The following BMP6 variants were observed in gnomAD, a reference collection of about 807,000 sequenced individuals.
The protein encoded by BMP6 is bone morphogenetic protein 6.
A neutral mutation model predicts 54.1 loss-of-function variants in BMP6; 17 were observed. The observed-to-expected ratio is 0.31, with a 90% CI of 0.22 to 0.47. BMP6 has a LOEUF of 0.47. Ranked by LOEUF, BMP6 falls within the 20% of genes least tolerant of loss-of-function variation. The pLI, the probability that BMP6 is intolerant of heterozygous loss-of-function variation, is 1.00. For missense variants in BMP6, 720 were observed against 690.4 expected (o/e 1.04, Z -0.48); for synonymous variants, 328 against 291.2 (o/e 1.13, Z -1.28).
At chr6:7,804,816 T>C (rs1758324841) in intron 1 of BMP6, among the ~76,000 whole-genome samples, 1 of 152,196 alleles carries the variant, frequency 6.6e-6, no homozygotes, top group South Asian at 2.1e-4. Flanking sequence ...CTGTACTGGA[T>C]TGGTTTAAAT....
chr6:7,834,791 C>T (rs1367456567), intron 1 of BMP6, among the ~76,000 whole-genome samples: 1 of 152,102 alleles, frequency 6.6e-6, no homozygotes, highest in Admixed American at 6.5e-5. Context: ...AAATCTAGTC[C>T]AGAGATCGGG....
intron 2 of BMP6, among the ~76,000 whole-genome samples, chr6:7,850,574 A>G (rs1306030128): frequency 1.3e-5 from 2 of 152,206 alleles, no homozygotes; most frequent in Admixed American, 6.5e-5. Context: ...TATTTTACAG[A>G]CAGAATATAA....
intron 1 of BMP6, among the ~76,000 whole-genome samples, chr6:7,799,739 A>T (rs1053243278): frequency 9.9e-6 from 1 of 101,202 alleles, no homozygotes; most frequent in Non-Finnish European, 2.1e-5. Flanking sequence ...TACACTGATT[A>T]TAAAAAAAAA....
chr6:7,766,485 G>A (rs1006211535), intron 1 of BMP6, among the ~76,000 whole-genome samples: 1 of 152,142 alleles, frequency 6.6e-6, no homozygotes, highest in Non-Finnish European at 1.5e-5. Flanking sequence ...AGATGTGGTG[G>A]TGCACACCTG....
At chr6:7,737,771 C>T (rs993285940) in intron 1 of BMP6, among the ~76,000 whole-genome samples, 3 of 152,086 alleles carry the variant, frequency 2.0e-5, no homozygotes, top group Non-Finnish European at 2.9e-5. Flanking sequence ...TATACACGTC[C>T]ATGGAGTCTG....
chr6:7,808,400 G>C (rs1758383586), intron 1 of BMP6, among the ~76,000 whole-genome samples: 1 of 152,160 alleles, frequency 6.6e-6, no homozygotes, highest in African/African-American at 2.4e-5. Flanking sequence ...ACTGCTCAGA[G>C]CCTCTTGGGG....
chr6:7,793,176 G>A (rs117863767), intron 1 of BMP6, among the ~76,000 whole-genome samples: 4 of 152,120 alleles, frequency 2.6e-5, no homozygotes, highest in East Asian at 3.9e-4. Context: ...ACATCCAGAC[G>A]ATGGGCTATT....
chr6:7,756,400 C>T (rs1270975495), intron 1 of BMP6, among the ~76,000 whole-genome samples: 2 of 151,994 alleles, frequency 1.3e-5, no homozygotes, highest in African/African-American at 4.8e-5. Context: ...TCTTTGTATT[C>T]TTGAGCATAT....
chr6:7,870,609 T>C (rs1329268050), intron 4 of BMP6, among the ~76,000 whole-genome samples: 2 of 152,040 alleles, frequency 1.3e-5, no homozygotes, highest in African/African-American at 4.8e-5. Flanking sequence ...CATGTCTGTC[T>C]TGGATCTTTT....
At chr6:7,747,723 T>C (rs895228442) in intron 1 of BMP6, among the ~76,000 whole-genome samples, 3 of 152,176 alleles carry the variant, frequency 2.0e-5, no homozygotes, top group Non-Finnish European at 4.4e-5. Context: ...AATGGCTCAC[T>C]GTAGCCTCAA....
intron 1 of BMP6, among the ~76,000 whole-genome samples, chr6:7,773,148 G>A (rs943992515): frequency 2.0e-5 from 3 of 152,162 alleles, no homozygotes; most frequent in East Asian, 1.9e-4. Flanking sequence ...CCCAACTGAT[G>A]CCTGATGCTG....
At chr6:7,738,397 T>C (rs543187674) in intron 1 of BMP6, among the ~76,000 whole-genome samples, 27 of 152,236 alleles carry the variant, frequency 1.8e-4, no homozygotes, top group Non-Finnish European at 3.8e-4. Flanking sequence ...TGGCTCCAGC[T>C]CTCTCTGGTC....
rs1272549121 is a variant in BMP6 at position 7,827,642 on chromosome 6, A to G, written c.665-17498A>G. 5.9e-5 allele frequency among the ~76,000 whole-genome samples: 9 copies of G among 152,354 alleles called. No homozygotes were observed. The East Asian group carries it at 1.7e-3, about 29-fold the overall frequency. ...ACAAATCCAAGATTGTTATTTCACCAAAGGCCCCAGGAAGTGGAGATGAAG... is the reference window on the plus strand; with the variant it reads ...ACAAATCCAAGATTGTTATTTCACCGAAGGCCCCAGGAAGTGGAGATGAAG... On this transcript the variant is annotated intron_variant, in intron 1 of 6. Coordinates refer to ENST00000283147, the MANE Select transcript of BMP6 (RefSeq NM_001718.6).
At chr6:7,845,619 C>G (rs532354112) in intron 2 of BMP6, among the ~76,000 whole-genome samples, 1 of 152,292 alleles carries the variant, frequency 6.6e-6, no homozygotes, top group South Asian at 2.1e-4. Flanking sequence ...AATGTTCCCA[C>G]TATTGATTAG....
intron 1 of BMP6, among the ~76,000 whole-genome samples, chr6:7,771,559 A>C (rs1581240758): frequency 6.6e-6 from 1 of 152,198 alleles, no homozygotes; most frequent in African/African-American, 2.4e-5. Flanking sequence ...ATTATCCAGT[A>C]AGTGCGTGGT....
intron 1 of BMP6, among the ~76,000 whole-genome samples, chr6:7,762,847 G>T (rs189291953): frequency 9.5e-4 from 145 of 152,324 alleles, no homozygotes; most frequent in Non-Finnish European, 2.5e-4. Context: ...TGCTAGAGGG[G>T]ATCTTAATAG....
At chr6:7,744,823 G>T (rs896306531) in intron 1 of BMP6, among the ~76,000 whole-genome samples, 1 of 152,052 alleles carries the variant, frequency 6.6e-6, no homozygotes, top group Non-Finnish European at 1.5e-5. Context: ...CTGATTCTCC[G>T]GGCAGAAAGG....
At chr6:7,823,038 TC>T (rs1277799731) in intron 1 of BMP6, among the ~76,000 whole-genome samples, 1 of 152,176 alleles carries the variant, frequency 6.6e-6, no homozygotes, top group Non-Finnish European at 1.5e-5. Flanking sequence ...TGCTTAGCAT[TC>T]TTGTAACATT....
At chr6:7,780,297 C>G (rs1285508876) in intron 1 of BMP6, among the ~76,000 whole-genome samples, 1 of 151,956 alleles carries the variant, frequency 6.6e-6, no homozygotes, top group Non-Finnish European at 1.5e-5. Context: ...CATGTAATCC[C>G]AGAACTTTGG....
Sources: gnomAD v4.1 joint callset for allele counts (sites outside exome capture counted in the v4.1 genomes callset) on GRCh38, gnomAD v4.1.1 for gene constraint, MANE v1.5 for transcripts, NCBI Gene and HGNC (gene_info 2026-07-23, HGNC 2026-07-21) for gene names.